The following NTRK2 variants were observed in gnomAD, a reference collection of about 807,000 sequenced individuals.
The protein encoded by NTRK2 is neurotrophic receptor tyrosine kinase 2.
NTRK2 carries 13 observed loss-of-function variants against 94.5 expected under a neutral mutation model. The ratio of observed to expected loss-of-function variants is 0.14; its 90% CI spans 0.09 to 0.22. The LOEUF is 0.22. NTRK2 is among the 10% of genes least tolerant of loss of function. NTRK2 has a pLI of 1.00. For synonymous variants in NTRK2, 372 were observed against 407.4 expected, an observed-to-expected ratio of 0.91 and a Z score of 1.05; for missense variants, 639 against 1,071.2, an observed-to-expected ratio of 0.60 and a Z score of 5.63.
intron 12 of NTRK2, among the ~76,000 whole-genome samples, chr9:84,789,536 G>A (rs1277715003): frequency 6.6e-6 from 1 of 152,156 alleles, no homozygotes; most frequent in Admixed American, 6.5e-5. Flanking sequence ...ACCTGGAAAG[G>A]GGAGTCCAAG....
At chr9:84,882,719 T>TGTGTGTGTGCGCGCGCGC (rs761042296) in intron 14 of NTRK2, among the ~76,000 whole-genome samples, 95 of 145,824 alleles carry the variant, frequency 6.5e-4, no homozygotes, top group Non-Finnish European at 8.0e-4. Flanking sequence ...TGTGTGTGTG[T>TGTGTGTGTGCGCGCGCGC]GCGCGCGCGC....
chr9:84,670,722 C>A lies in NTRK2; in HGVS notation c.-27C>A, dbSNP rs2058646512. 1.9e-6 allele frequency: 3 copies of A among 1,607,358 alleles called. No individual in the cohort carries two copies. The highest frequency in any genetic ancestry group is 2.2e-5 in the East Asian group (1 of 44,854). On this transcript the variant is annotated 5_prime_UTR_variant, in exon 2 of 19. Transcript: ENST00000277120. Reference sequence around the variant, plus strand: ...GCGGCCGGTGCAGCGCGGGGACAGGCACTCGGGCTGGCACTGGCTGCTAGG... The same window carrying A: ...GCGGCCGGTGCAGCGCGGGGACAGGAACTCGGGCTGGCACTGGCTGCTAGG...
chr9:84,670,726 CGGGCTGGCACTGGCTGCTA>C lies in NTRK2; in HGVS notation c.-19_-1del. Reference sequence around the variant, plus strand: ...CCGGTGCAGCGCGGGGACAGGCACTCGGGCTGGCACTGGCTGCTAGGGATGTCGTCCTGGATAAGGTGGC... The same window carrying C: ...CCGGTGCAGCGCGGGGACAGGCACTCGGGATGTCGTCCTGGATAAGGTGGC... On this transcript the variant is annotated 5_prime_UTR_variant, in exon 2 of 19. Coordinates refer to ENST00000277120, the MANE Select transcript of NTRK2 (RefSeq NM_006180.6). 2 of 1,609,726 alleles carry C rather than the reference CGGGCTGGCACTGGCTGCTA, an allele frequency of 1.2e-6. No homozygotes were observed. Among genetic ancestry groups the C allele is most frequent in the Non-Finnish European group, 1.7e-6 (2 of 1,179,376 alleles).
At chr9:84,999,454 A>G (rs1830107337) in intron 17 of NTRK2, among the ~76,000 whole-genome samples, 1 of 152,174 alleles carries the variant, frequency 6.6e-6, no homozygotes, top group African/African-American at 2.4e-5. Context: ...ATAATTAAAG[A>G]TATTTCACAC....
At chr9:84,781,999 G>A (rs1314121349) in intron 12 of NTRK2, among the ~76,000 whole-genome samples, 1 of 151,716 alleles carries the variant, frequency 6.6e-6, no homozygotes, top group Non-Finnish European at 1.5e-5. Flanking sequence ...TTGTATAAGA[G>A]AGAATTGCTT....
In NTRK2 at chr9:85,021,543, T is replaced by C. The variant is rs202162651; in HGVS notation, c.*106T>C. 9.1e-7 allele frequency: 1 copy of C among 1,094,162 alleles called. No homozygotes were observed. Among genetic ancestry groups the C allele is most frequent in the South Asian group, 1.3e-5 (1 of 78,900 alleles). The allele number at this position is 1,094,162 out of a possible 1,614,324, so 67.8% of individuals were successfully genotyped here. On this transcript the variant is annotated 3_prime_UTR_variant, in exon 19 of 19. Coordinates refer to ENST00000277120, the MANE Select transcript of NTRK2 (RefSeq NM_006180.6). ...AGGCCACCAAGCTGCTCTCCTTCAC[T>C]CTGACAGTATTAACATCAAAGACTC...
intron 12 of NTRK2, among the ~76,000 whole-genome samples, chr9:84,854,713 G>A (rs971100635): frequency 6.6e-6 from 1 of 152,130 alleles, no homozygotes; most frequent in Admixed American, 6.5e-5. Context: ...TTAAGAGGCC[G>A]AGGCTGGCGG....
chr9:84,848,887 G>T (rs2074609410), intron 12 of NTRK2, among the ~76,000 whole-genome samples: 1 of 152,270 alleles, frequency 6.6e-6, no homozygotes, highest in Non-Finnish European at 1.5e-5. Context: ...TAAAGGTGTG[G>T]CCTTCTAAGG....
chr9:84,799,227 C>T (rs899993346), intron 12 of NTRK2, among the ~76,000 whole-genome samples: 2 of 152,078 alleles, frequency 1.3e-5, no homozygotes, highest in Non-Finnish European at 2.9e-5. Flanking sequence ...GACTTTCATT[C>T]ACCAAAGATC....
At chr9:84,896,018 C>G (rs1183626774) in intron 14 of NTRK2, among the ~76,000 whole-genome samples, 2 of 152,212 alleles carry the variant, frequency 1.3e-5, no homozygotes, top group African/African-American at 4.8e-5. Flanking sequence ...GCCTCTCACC[C>G]TCTCTTTTCT....
chr9:84,713,578 A>T (rs1323574480), intron 6 of NTRK2, among the ~76,000 whole-genome samples: 1 of 151,874 alleles, frequency 6.6e-6, no homozygotes, highest in African/African-American at 2.4e-5. Flanking sequence ...TATATCTTCT[A>T]ATACTTCTTT....
chr9:84,948,738 A>G, intron 16 of NTRK2, 104 bp downstream of exon 16: 1 of 973,532 alleles, frequency 1.0e-6, no homozygotes, highest in South Asian at 1.5e-5. Context: ...CCTTTCTCGA[A>G]GCATCTTATT....
intron 17 of NTRK2, among the ~76,000 whole-genome samples, chr9:84,962,213 C>T (rs1222462525): frequency 1.3e-5 from 2 of 152,204 alleles, no homozygotes; most frequent in African/African-American, 2.4e-5. Flanking sequence ...CACCTCTGTA[C>T]TTATTTGATT....
chr9:84,924,985 C>T (rs2077704927), intron 14 of NTRK2, among the ~76,000 whole-genome samples: 1 of 152,142 alleles, frequency 6.6e-6, no homozygotes, highest in Non-Finnish European at 1.5e-5. Flanking sequence ...CTTAGGATGG[C>T]TCGCGTGTCT....
chr9:84,731,724 A>G (rs576513892), intron 9 of NTRK2, among the ~76,000 whole-genome samples: 2 of 152,240 alleles, frequency 1.3e-5, no homozygotes, highest in South Asian at 4.1e-4. Flanking sequence ...CGACCTCAAG[A>G]CAGCGGCAGC....
In NTRK2 at chr9:84,760,906, G is replaced by A. The variant is rs898000211; in HGVS notation, c.1396+8821G>A. Among the ~76,000 whole-genome samples, 8 of 152,272 alleles carry A rather than the reference G, an allele frequency of 5.3e-5. No individual in the cohort carries two copies. The East Asian group carries it at 1.5e-3, about 29-fold the overall frequency. On this transcript the variant is annotated intron_variant, in intron 12 of 18. Transcript: ENST00000277120. ...ATTTTAAAAAATAGGCCTTAATTCT[G>A]ATGTATGTACAGCCTGCTAGAAAGG... is the stretch of plus-strand genomic sequence containing the variant.
intron 16 of NTRK2, among the ~76,000 whole-genome samples, chr9:84,953,629 G>A (rs1823748818): frequency 2.0e-5 from 3 of 152,174 alleles, no homozygotes; most frequent in African/African-American, 7.2e-5. Context: ...TGGGGGTTGT[G>A]GTTTGAGTAG....
intron 14 of NTRK2, chr9:84,873,815 C>T (rs1027210203): frequency 9.5e-7 from 1 of 1,056,844 alleles, no homozygotes; most frequent in African/African-American, 1.6e-5. Flanking sequence ...GTATAGTATA[C>T]TTAGACCTCC....
intron 3 of NTRK2, 42 bp downstream of exon 3, chr9:84,702,275 C>T (rs1239000852): frequency 1.3e-5 from 21 of 1,610,792 alleles, no homozygotes; most frequent in Non-Finnish European, 1.8e-5. Flanking sequence ...AGAGAATTTT[C>T]CTGTTGTCTG....
Sources: gnomAD v4.1 joint callset for allele counts (sites outside exome capture counted in the v4.1 genomes callset) on GRCh38, gnomAD v4.1.1 for gene constraint, MANE v1.5 for transcripts, NCBI Gene and HGNC (gene_info 2026-07-23, HGNC 2026-07-21) for gene names.